Variants in FMNL2 observed in about 807,000 individuals in gnomAD.
FMNL2 encodes the protein formin-like protein 2.
FMNL2 carries 51 observed loss-of-function variants against 130.2 expected under a neutral mutation model. That is an observed-to-expected ratio of 0.39 (90% CI 0.31 to 0.49). FMNL2 has a LOEUF of 0.49. Among genes scored for constraint, FMNL2 ranks in the 20% least tolerant of loss-of-function variants. The pLI is 0.85. For missense variants in FMNL2, 977 were observed against 1,316.2 expected (o/e 0.74, Z 3.99); for synonymous variants, 465 against 467.1 (o/e 1.00, Z 0.06).
chr2:152,564,798 T>TTTA (rs1553477782), intron 6 of FMNL2, among the ~76,000 whole-genome samples: 4 of 146,400 alleles, frequency 2.7e-5, no homozygotes, highest in Non-Finnish European at 6.0e-5. Flanking sequence ...TTTTTTTTTT[T>TTTA]AACCAAATTC....
intron 25 of FMNL2, among the ~76,000 whole-genome samples, chr2:152,641,540 C>CTTCA (rs1683081305): frequency 6.6e-6 from 1 of 152,190 alleles, no homozygotes; most frequent in Non-Finnish European, 1.5e-5. Context: ...GTGACTTTTC[C>CTTCA]TTCATGTCTG....
intron 1 of FMNL2, among the ~76,000 whole-genome samples, chr2:152,500,613 C>G (rs911093396): frequency 6.6e-6 from 1 of 152,170 alleles, no homozygotes; most frequent in African/African-American, 2.4e-5. Flanking sequence ...ACTTGGAGGT[C>G]GAGGTCGGTG....
At chr2:152,384,912 C>T (rs1310793455) in intron 1 of FMNL2, among the ~76,000 whole-genome samples, 1 of 152,218 alleles carries the variant, frequency 6.6e-6, no homozygotes, top group East Asian at 1.9e-4. Flanking sequence ...GTCTCCTCAT[C>T]CTAACACAGT....
intron 4 of FMNL2, among the ~76,000 whole-genome samples, chr2:152,554,726 T>C (rs1237628644): frequency 6.6e-6 from 1 of 152,186 alleles, no homozygotes; most frequent in African/African-American, 2.4e-5. Context: ...GTGTTGTCCT[T>C]GAAAGGATGG....
At chr2:152,352,435 C>T (rs904850222) in intron 1 of FMNL2, among the ~76,000 whole-genome samples, 2 of 152,172 alleles carry the variant, frequency 1.3e-5, no homozygotes, top group African/African-American at 4.8e-5. Flanking sequence ...TTTCTCGACT[C>T]AAAAGCCGTG....
Position 152,647,918 on chromosome 2 carries a change from C to A in FMNL2, c.*13C>A. The A allele has an allele frequency of 1.9e-6, 3 of 1,603,270 alleles. No homozygotes were observed. Among genetic ancestry groups the A allele is most frequent in the Non-Finnish European group, 2.6e-6 (3 of 1,173,120 alleles). On this transcript the variant is annotated 3_prime_UTR_variant, in exon 26 of 26. Coordinates refer to ENST00000288670, the MANE Select transcript of FMNL2 (RefSeq NM_052905.4). ...AATAACAATGTGAACCTGAGACTGG[C>A]CTGCATGAATACAGGGTGTGCGTGA...
intron 6 of FMNL2, among the ~76,000 whole-genome samples, chr2:152,571,874 T>C (rs1696187286): frequency 1.4e-5 from 2 of 145,574 alleles, no homozygotes; most frequent in African/African-American, 5.1e-5. Context: ...TGAATGTTAA[T>C]TGGTGACGGA....
At chr2:152,508,628 A>G (rs541732451) in intron 1 of FMNL2, among the ~76,000 whole-genome samples, 3 of 152,342 alleles carry the variant, frequency 2.0e-5, no homozygotes, top group East Asian at 3.9e-4. Context: ...TGAATGGTCA[A>G]TGTGGTATTT....
chr2:152,355,974 C>T (rs948916727), intron 1 of FMNL2, among the ~76,000 whole-genome samples: 3 of 152,156 alleles, frequency 2.0e-5, no homozygotes, highest in Non-Finnish European at 2.9e-5. Flanking sequence ...AAAATTACCC[C>T]GAATTGGCAC....
chr2:152,539,251 C>T (rs1054983039), intron 2 of FMNL2: 3 of 152,330 alleles, frequency 2.0e-5, no homozygotes, highest in Admixed American at 6.5e-5. Flanking sequence ...GTTACCACCC[C>T]TCCATTGAGA....
chr2:152,593,803 T>C (rs1371084827), intron 9 of FMNL2, among the ~76,000 whole-genome samples: 1 of 138,256 alleles, frequency 7.2e-6, no homozygotes. Flanking sequence ...ATGAAGGTAA[T>C]GAATGAGAGA....
chr2:152,407,348 C>A (rs1485870933), intron 1 of FMNL2, among the ~76,000 whole-genome samples: 1 of 152,020 alleles, frequency 6.6e-6, no homozygotes, highest in Non-Finnish European at 1.5e-5. Flanking sequence ...CTTTTCATTT[C>A]TTTTTTTACA....
chr2:152,363,516 G>A (rs1170730263), intron 1 of FMNL2, among the ~76,000 whole-genome samples: 1 of 151,760 alleles, frequency 6.6e-6, no homozygotes, highest in Admixed American at 6.6e-5. Flanking sequence ...TAGAATAATC[G>A]GATTTTGGTA....
chr2:152,513,111 C>T (rs959972442), intron 1 of FMNL2, among the ~76,000 whole-genome samples: 1 of 152,104 alleles, frequency 6.6e-6, no homozygotes, highest in African/African-American at 2.4e-5. Context: ...AACTGCATAA[C>T]CTGATGTATT....
intron 11 of FMNL2, among the ~76,000 whole-genome samples, chr2:152,613,894 G>C (rs1384864752): frequency 1.3e-5 from 2 of 152,126 alleles, no homozygotes; most frequent in African/African-American, 2.4e-5. Flanking sequence ...CTAATTTCCA[G>C]AGCTAGCTGA....
At chr2:152,615,046 T>C (rs377089939) in intron 12 of FMNL2, 46 bp downstream of exon 12, 1 of 1,596,346 alleles carries the variant, frequency 6.3e-7, no homozygotes, top group South Asian at 1.1e-5. Context: ...TTTCAGCTGG[T>C]TGCAAAGCAG....
At chr2:152,480,922 T>G (rs1690483459) in intron 1 of FMNL2, among the ~76,000 whole-genome samples, 1 of 152,174 alleles carries the variant, frequency 6.6e-6, no homozygotes, top group South Asian at 2.1e-4. Flanking sequence ...TTGAGTACAC[T>G]AAGAACAAAA....
intron 1 of FMNL2, among the ~76,000 whole-genome samples, chr2:152,465,632 C>T (rs1019833923): frequency 6.6e-6 from 1 of 152,098 alleles, no homozygotes; most frequent in Non-Finnish European, 1.5e-5. Flanking sequence ...TGGATATATC[C>T]CCACCCCCCA....
intron 1 of FMNL2, among the ~76,000 whole-genome samples, chr2:152,362,669 T>C (rs986433904): frequency 1.3e-5 from 2 of 152,092 alleles, no homozygotes; most frequent in South Asian, 4.1e-4. Flanking sequence ...TCCATAATCA[T>C]TGATTATTGA....
Sources: gnomAD v4.1 joint callset for allele counts (sites outside exome capture counted in the v4.1 genomes callset) on GRCh38, gnomAD v4.1.1 for gene constraint, MANE v1.5 for transcripts, NCBI Gene and HGNC (gene_info 2026-07-23, HGNC 2026-07-21) for gene names.